AMPD3: variants seen among roughly 807,000 people sequenced by gnomAD.
AMPD3 encodes AMP deaminase 3.
AMPD3 carries 57 observed loss-of-function variants against 82.3 expected under a neutral mutation model. That is an observed-to-expected ratio of 0.69 (90% CI 0.56 to 0.86). The LOEUF (loss-of-function observed/expected upper bound fraction) is 0.86. Among genes scored for constraint, AMPD3 ranks in the 40% least tolerant of loss-of-function variants. The pLI is 0.00. For missense variants in AMPD3, 870 were observed against 1,003.8 expected, an observed-to-expected ratio of 0.87 and a Z score of 1.80; for synonymous variants, 381 against 394.7, an observed-to-expected ratio of 0.97 and a Z score of 0.41.
chr11:10,450,918 C>T (rs1317103175), upstream of AMPD3: 8 of 1,267,214 alleles, frequency 6.3e-6, no homozygotes, highest in Middle Eastern at 2.9e-4. Flanking sequence ...GCGGCCTGGC[C>T]GGGCCCTGGC....
rs142419801 is a variant in AMPD3 at position 10,476,098 on chromosome 11, A to G, written c.222-2428A>G. On this transcript the variant is annotated intron_variant, in intron 2 of 14. Transcript: ENST00000396553. ...TTGTGGCAATTTGTTCTGCAGCAAT[A>G]GAAAACAAATCCAGGGTCATCCTTG... 3.9e-3 allele frequency among the ~76,000 whole-genome samples: 593 copies of G among 152,344 alleles called. 3 individuals are homozygous for G. Among genetic ancestry groups the G allele is most frequent in the Middle Eastern group, 0.014 (4 of 294 alleles).
chr11:10,471,360 A>G (rs1848584156), intron 2 of AMPD3, among the ~76,000 whole-genome samples: 1 of 152,238 alleles, frequency 6.6e-6, no homozygotes, highest in African/African-American at 2.4e-5. Flanking sequence ...AAACCCTAGA[A>G]GAAAACCTAG....
chr11:10,475,975 T>C (rs1241980034), intron 2 of AMPD3, among the ~76,000 whole-genome samples: 1 of 152,196 alleles, frequency 6.6e-6, no homozygotes, highest in African/African-American at 2.4e-5. Context: ...GATTTTGGCC[T>C]CTTGATACCC....
intron 6 of AMPD3, chr11:10,488,201 G>C: frequency 1.0e-6 from 1 of 985,464 alleles, no homozygotes; most frequent in Non-Finnish European, 1.2e-6. Context: ...AGGAGCGAAG[G>C]TTAAATGATC....
intron 11 of AMPD3, 63 bp downstream of exon 11, chr11:10,500,312 C>T (rs973077897): frequency 1.3e-5 from 21 of 1,561,850 alleles, no homozygotes; most frequent in Non-Finnish European, 1.9e-5. Flanking sequence ...CGCATGCACA[C>T]ACATGCACAC....
chr11:10,465,410 T>C (rs74666806), intron 2 of AMPD3, among the ~76,000 whole-genome samples: 3,699 of 152,248 alleles, frequency 0.024, 159 homozygotes, highest in African/African-American at 0.08. Context: ...AAAATTAGGA[T>C]ATAGTTAAGG....
intron 1 of AMPD3, chr11:10,461,030 C>A: frequency 8.8e-7 from 1 of 1,132,542 alleles, no homozygotes; most frequent in Non-Finnish European, 1.1e-6. Flanking sequence ...AAGAATGCAG[C>A]TTTGGATTTC....
At position 10,484,772 on chromosome 11, in the gene AMPD3, G is replaced by A. The variant is rs763312721; in HGVS notation, c.590-48G>A. The A allele has an allele frequency of 5.0e-6, 8 of 1,601,622 alleles. No homozygotes were observed. In the South Asian group the frequency reaches 6.6e-5, roughly 13 times the overall value. On this transcript the variant is annotated intron_variant, in intron 4 of 14. Coordinates refer to ENST00000396553, the MANE Select transcript of AMPD3 (RefSeq NM_001025389.2). Reference sequence around the variant, plus strand: ...CTCCGTGTCTTTTGAGCCCATGTGTGCTCACAAGGTCAGGGGCACTTTGCC... The same window carrying A: ...CTCCGTGTCTTTTGAGCCCATGTGTACTCACAAGGTCAGGGGCACTTTGCC...
chr11:10,455,001 C>G (rs576556747), upstream of AMPD3: 4 of 342,866 alleles, frequency 1.2e-5, no homozygotes, highest in South Asian at 4.7e-4. Context: ...TGTGTCAACC[C>G]TGTAATACTG....
At chr11:10,460,998 A>C in intron 1 of AMPD3, 1 of 1,092,248 alleles carries the variant, frequency 9.2e-7, no homozygotes, top group South Asian at 2.5e-5. Context: ...CTCTTCAGCA[A>C]AAGGCCTTGA....
Position 10,497,079 on chromosome 11 carries a change from A to C in AMPD3, c.1557+141A>C, listed in dbSNP as rs112320382. 9.7e-3 allele frequency: 10,571 copies of C among 1,085,430 alleles called. 81 individuals are homozygous for C. Among genetic ancestry groups the C allele is most frequent in the Non-Finnish European group, 0.011 (7,994 of 716,040 alleles). 67.2% of individuals were successfully genotyped at this position (1,085,430 alleles called of 1,614,324 possible). Reference sequence around the variant, plus strand: ...CCTGTGTTCCAGGCGTGGGGTCACCAGCCCCAAGAAGCTAGATTTCTAAAA... The same window carrying C: ...CCTGTGTTCCAGGCGTGGGGTCACCCGCCCCAAGAAGCTAGATTTCTAAAA... On this transcript the variant is annotated intron_variant, in intron 10 of 14. Transcript: ENST00000396553.
chr11:10,461,757 T>A lies in AMPD3; in HGVS notation c.221+17T>A, dbSNP rs1848277388. On this transcript the variant is annotated intron_variant, in intron 2 of 14. Coordinates refer to ENST00000396553, the MANE Select transcript of AMPD3 (RefSeq NM_001025389.2). ...CGCAAAAAGGTTTGTTCCCAAGGCA[T>A]GGTTTTCGTGTACATAGAGTCATGC... is the stretch of plus-strand genomic sequence containing the variant. 2 of 1,587,770 alleles carry A rather than the reference T, an allele frequency of 1.3e-6. No homozygotes were observed. The highest frequency in any genetic ancestry group is 1.7e-6 in the Non-Finnish European group (2 of 1,166,476).
Position 10,478,611 on chromosome 11 carries a change from A to G in AMPD3, c.307A>G (p.Ser103Gly), listed in dbSNP as rs777112392. The G allele has an allele frequency of 4.3e-6, 7 of 1,614,080 alleles. No individual in the cohort carries two copies. In the East Asian group the frequency reaches 1.3e-4, roughly 31 times the overall value. Residue 103 changes from serine to glycine, a missense_variant, in exon 3 of 15, where the codon AGT becomes GGT. Ser to Gly is a moderately conservative substitution (Grantham distance 56). Coordinates refer to ENST00000396553, the MANE Select transcript of AMPD3 (RefSeq NM_001025389.2). ...AGATTGGAAGGGCCCCCCGGCAGCC[A>G]GTCCGGCCATGTCTCCCACAACCCC... The part of the protein sequence containing the change: ...QQDWKGPPAA[S>G]PAMSPTTPVV...
chr11:10,495,632 C>G lies in AMPD3; in HGVS notation c.1329C>G (p.Tyr443Ter). The change falls in exon 9 of 15, where the codon TAC (tyrosine) becomes TAG (stop). Residue 443 changes from tyrosine to a stop codon, truncating the protein, a stop_gained. Transcript: ENST00000396553. LOFTEE classifies it high-confidence loss of function. ...ACTCAGAGCCACGGCTCTCCATCTA[C>G]GGCCGCAGTCCTGAGGAGTGGCCCA... ...YQYSEPRLSI[Y>*]GRSPEEWPNL... 6.2e-7 allele frequency: 1 copy of G among 1,613,964 alleles called. No individual in the cohort carries two copies. Among genetic ancestry groups the G allele is most frequent in the Non-Finnish European group, 8.5e-7 (1 of 1,180,028 alleles).
chr11:10,450,625 G>GAGCCC, upstream of AMPD3: 3 of 996,924 alleles, frequency 3.0e-6, no homozygotes, highest in Non-Finnish European at 3.6e-6. Context: ...GGGCCCCGCG[G>GAGCCC]AGCCCAGGAG....
At chr11:10,497,386 GT>G (rs1221888710) in intron 10 of AMPD3, among the ~76,000 whole-genome samples, 2 of 152,198 alleles carry the variant, frequency 1.3e-5, no homozygotes, top group Non-Finnish European at 2.9e-5. Context: ...AGCCCCTAAA[GT>G]GTATTTCCCT....
intron 14 of AMPD3, 118 bp downstream of exon 14, chr11:10,504,777 C>T: frequency 3.1e-6 from 3 of 972,144 alleles, no homozygotes; most frequent in Non-Finnish European, 4.9e-6. Flanking sequence ...CTCTGAGACA[C>T]TCAGGCACAG....
intron 1 of AMPD3, chr11:10,455,919 G>A: frequency 1.0e-6 from 1 of 985,410 alleles, no homozygotes; most frequent in Non-Finnish European, 1.2e-6. Flanking sequence ...CAGAACGGAA[G>A]CAGCAAAGGT....
At chr11:10,481,231 G>A (rs951135950) in intron 3 of AMPD3, among the ~76,000 whole-genome samples, 1 of 152,202 alleles carries the variant, frequency 6.6e-6, no homozygotes, top group Admixed American at 6.5e-5. Flanking sequence ...GTGATTAACA[G>A]AGTTAATCAG....
Sources: allele counts gnomAD v4.1 joint callset (sites outside exome capture counted in the v4.1 genomes callset), GRCh38; gene constraint gnomAD v4.1.1; transcripts MANE v1.5; gene names NCBI Gene and HGNC (gene_info 2026-07-23, HGNC 2026-07-21).